TMEM217: variants seen among roughly 807,000 people sequenced by gnomAD.
TMEM217 encodes the protein chromosome 6 open reading frame 128.
For missense variants in TMEM217, 204 were observed against 248.8 expected (o/e 0.82, Z 1.21); for synonymous variants, 76 against 88.3 (o/e 0.86, Z 0.78).
intron 1 of TMEM217, among the ~76,000 whole-genome samples, chr6:37,255,410 G>A (rs901136974): frequency 1.8e-4 from 28 of 152,148 alleles, no homozygotes; most frequent in Non-Finnish European, 2.8e-4. Flanking sequence ...GGCAGGGTGC[G>A]ATGGCTCCCA....
At chr6:37,218,209 A>T in exon 2 of TMEM217, 1 of 1,287,710 alleles carries the variant, frequency 7.8e-7, no homozygotes, top group East Asian at 3.2e-5. Context: ...TTACTCTGTC[A>T]CTCAGGCTGA....
In TMEM217 at chr6:37,218,495, T is replaced by C. The variant is rs775098571; in HGVS notation, c.536A>G (p.Asn179Ser). 1.2e-5 allele frequency: 19 copies of C among 1,614,008 alleles called. No individual in the cohort carries two copies. Among genetic ancestry groups the C allele is most frequent in the Non-Finnish European group, 1.4e-5 (16 of 1,180,028 alleles). ...CCCACTCGAAATTGATAATCTTTTATTTCTGCTGTGGAGAATCTCCGCTGT... is the reference window on the plus strand; with the variant it reads ...CCCACTCGAAATTGATAATCTTTTACTTCTGCTGTGGAGAATCTCCGCTGT... The change falls in exon 2 of 2, where the codon AAT (asparagine) becomes AGT (serine). Residue 179 changes from asparagine (N) to serine (S), a missense_variant. Coordinates refer to ENST00000357219, the Ensembl canonical transcript of TMEM217.
intron 1 of TMEM217, among the ~76,000 whole-genome samples, chr6:37,229,853 T>C (rs926643452): frequency 2.6e-5 from 4 of 152,214 alleles, no homozygotes; most frequent in Admixed American, 6.5e-5. Flanking sequence ...CTCAGTTCTG[T>C]AGGTCACCAG....
chr6:37,252,450 G>GACAT (rs1414950526), intron 1 of TMEM217, among the ~76,000 whole-genome samples: 1 of 151,460 alleles, frequency 6.6e-6, no homozygotes, highest in East Asian at 1.9e-4. Context: ...ACCCCTGGTT[G>GACAT]ACATACATAC....
chr6:37,230,324 G>T (rs977269988), intron 1 of TMEM217, among the ~76,000 whole-genome samples: 1 of 152,096 alleles, frequency 6.6e-6, no homozygotes. Context: ...TCCCTTTTGC[G>T]TACTCACAGG....
intron 1 of TMEM217, among the ~76,000 whole-genome samples, chr6:37,242,079 A>G (rs1276777376): frequency 7.0e-6 from 1 of 141,872 alleles, no homozygotes; most frequent in African/African-American, 2.7e-5. Flanking sequence ...CCCTGAGTTC[A>G]CCCAATCTTG....
chr6:37,252,651 T>C (rs1315358530), intron 1 of TMEM217, among the ~76,000 whole-genome samples: 2 of 124,372 alleles, frequency 1.6e-5, no homozygotes, highest in Admixed American at 1.6e-4. Context: ...TTTTTTTTTT[T>C]TTTTTTTTGA....
chr6:37,228,643 G>T (rs1250870786), intron 1 of TMEM217, among the ~76,000 whole-genome samples: 1 of 152,136 alleles, frequency 6.6e-6, no homozygotes, highest in East Asian at 1.9e-4. Flanking sequence ...GGCGGAGGTT[G>T]CAGTGAGCCG....
chr6:37,218,471 C>A (rs778804410), exon 2 of TMEM217: 3 of 1,613,686 alleles, frequency 1.9e-6, no homozygotes. Flanking sequence ...GCCACTGAAC[C>A]CACTCGAAAT....
exon 2 of TMEM217, chr6:37,218,927 T>C: frequency 6.2e-7 from 1 of 1,614,212 alleles, no homozygotes; most frequent in Non-Finnish European, 8.5e-7. Context: ...CCCTAGGTGC[T>C]TCTGTTCAAA....
rs186539252 is a variant in TMEM217 at position 37,244,809 on chromosome 6, G to A, written c.-12+12759C>T. Among the ~76,000 whole-genome samples the A allele has an allele frequency of 2.4e-3, 369 of 152,340 alleles. 3 individuals carry two copies. Among genetic ancestry groups the A allele is most frequent in the African/African-American group, 5.3e-3 (221 of 41,580 alleles). ...AGCTGAGCTGATCTCAGCTGGACTC[G>A]CTCAAGTGTCTGAGGTCAACTGTTG... On this transcript the variant is annotated intron_variant, in intron 1 of 1. Transcript: ENST00000357219.
chr6:37,256,712 G>A, intron 1 of TMEM217, among the ~76,000 whole-genome samples: 1 of 146,158 alleles, frequency 6.8e-6, no homozygotes, highest in East Asian at 2.1e-4. Flanking sequence ...TCTCCAATAT[G>A]TGGAAGTACA....
chr6:37,232,395 C>A (rs437956), intron 1 of TMEM217, among the ~76,000 whole-genome samples: 1 of 152,148 alleles, frequency 6.6e-6, no homozygotes, highest in Non-Finnish European at 1.5e-5. Flanking sequence ...GTTTTGTTTT[C>A]TTTTTTTTGA....
chr6:37,220,484 G>A (rs1345504240), intron 1 of TMEM217, among the ~76,000 whole-genome samples: 1 of 151,472 alleles, frequency 6.6e-6, no homozygotes, highest in Non-Finnish European at 1.5e-5. Context: ...AAGTTGGCTT[G>A]TTAACTACAC....
intron 1 of TMEM217, among the ~76,000 whole-genome samples, chr6:37,229,847 G>A (rs1488909997): frequency 6.6e-6 from 1 of 152,162 alleles, no homozygotes; most frequent in East Asian, 1.9e-4. Flanking sequence ...TAGTATCTCA[G>A]TTCTGTAGGT....
intron 1 of TMEM217, among the ~76,000 whole-genome samples, chr6:37,245,971 G>T (rs1765057457): frequency 6.6e-6 from 1 of 151,884 alleles, no homozygotes; most frequent in Non-Finnish European, 1.5e-5. Flanking sequence ...GGCTAATTCT[G>T]TATTTTTTTT....
Position 37,245,804 on chromosome 6 carries a change from C to CT in TMEM217, c.-12+11763dup, listed in dbSNP as rs59353140. Among the ~76,000 whole-genome samples, 32 of 143,710 alleles carry CT rather than the reference C, an allele frequency of 2.2e-4. No homozygotes were observed. The East Asian group carries it at 3.0e-3, about 13-fold the overall frequency. 94.3% of individuals were successfully genotyped at this position (143,710 alleles called of 152,430 possible). A position where few individuals can be genotyped will look rare whatever the true frequency, so the allele number is the denominator to read the frequency against. ...TTTTCTTTTCTTTCTTTCTTTCTTT[C>CT]TTTTTTTTTTTTGAGAGGGAGTTTT... On this transcript the variant is annotated intron_variant, in intron 1 of 1. Transcript: ENST00000357219.
intron 1 of TMEM217, among the ~76,000 whole-genome samples, chr6:37,242,441 G>C (rs1764815792): frequency 6.6e-6 from 1 of 152,150 alleles, no homozygotes; most frequent in Admixed American, 6.5e-5. Flanking sequence ...GCCTTTAAGA[G>C]CCTAGATTTT....
intron 1 of TMEM217, among the ~76,000 whole-genome samples, chr6:37,232,298 A>G (rs1764244968): frequency 6.6e-6 from 1 of 152,226 alleles, no homozygotes; most frequent in East Asian, 1.9e-4. Flanking sequence ...GCTCCTGCCC[A>G]TAATGGATTT....
Sources: allele counts gnomAD v4.1 joint callset (sites outside exome capture counted in the v4.1 genomes callset), GRCh38; gene constraint gnomAD v4.1.1; transcripts MANE v1.5; gene names NCBI Gene and HGNC (gene_info 2026-07-23, HGNC 2026-07-21).